The following CDK14 variants were observed in gnomAD, a reference collection of about 807,000 sequenced individuals.
CDK14 encodes the protein cyclin-dependent kinase 14.
A neutral mutation model predicts 60.7 loss-of-function variants in CDK14; 34 were observed. The ratio of observed to expected loss-of-function variants is 0.56; its 90% confidence interval spans 0.43 to 0.75. The LOEUF (loss-of-function observed/expected upper bound fraction) is 0.75. CDK14 is among the 30% of genes least tolerant of loss of function. The probability of loss-of-function intolerance (pLI) is 0.00; values close to 1 mark genes in which losing one functional copy is unlikely to be tolerated. For synonymous variants in CDK14, 197 were observed against 203.7 expected (o/e 0.97, Z 0.28); for missense variants, 482 against 564.1 (o/e 0.85, Z 1.47).
At chr7:91,031,258 T>C (rs1485951127) in intron 10 of CDK14, among the ~76,000 whole-genome samples, 1 of 152,208 alleles carries the variant, frequency 6.6e-6, no homozygotes, top group African/African-American at 2.4e-5. Context: ...AGGCTTTACT[T>C]GCTATTTTTG....
chr7:90,699,328 C>A (rs1248681154), intron 2 of CDK14, among the ~76,000 whole-genome samples: 2 of 152,218 alleles, frequency 1.3e-5, no homozygotes, highest in African/African-American at 2.4e-5. Context: ...AGTGCCTGAT[C>A]ACACTTAAAC....
chr7:91,169,014 A>G (rs183936601), intron 14 of CDK14, among the ~76,000 whole-genome samples: 1 of 152,324 alleles, frequency 6.6e-6, no homozygotes, highest in African/African-American at 2.4e-5. Context: ...TCAGCCTCGC[A>G]TGTTTTCCAT....
intron 8 of CDK14, among the ~76,000 whole-genome samples, chr7:90,928,583 A>G (rs1793494768): frequency 6.6e-6 from 1 of 152,178 alleles, no homozygotes; most frequent in Admixed American, 6.5e-5. Context: ...TTCCTCTGGA[A>G]GCTTCATCTC....
chr7:91,170,757 C>CTT (rs534394498), intron 14 of CDK14, among the ~76,000 whole-genome samples: 4 of 139,778 alleles, frequency 2.9e-5, no homozygotes, highest in East Asian at 2.1e-4. Context: ...TGTTTTCAAT[C>CTT]TTTTTTTTTT....
At chr7:90,758,256 C>A (rs1232941867) in intron 4 of CDK14, among the ~76,000 whole-genome samples, 8 of 151,708 alleles carry the variant, frequency 5.3e-5, no homozygotes, top group Non-Finnish European at 1.2e-4. Context: ...CTGTCTTTGT[C>A]TTTCACTGTC....
intron 6 of CDK14, among the ~76,000 whole-genome samples, chr7:90,887,938 T>A (rs920382085): frequency 1.3e-4 from 20 of 152,190 alleles, no homozygotes; most frequent in African/African-American, 4.8e-4. Context: ...AATACTTCAC[T>A]TATTATAAGA....
chr7:90,891,986 GAAT>G (rs1226813064), intron 6 of CDK14, among the ~76,000 whole-genome samples: 1 of 152,204 alleles, frequency 6.6e-6, no homozygotes, highest in Non-Finnish European at 1.5e-5. Context: ...CTCACTTCAT[GAAT>G]AATGTTAGGT....
intron 11 of CDK14, among the ~76,000 whole-genome samples, chr7:91,072,687 A>G (rs1471997704): frequency 6.6e-6 from 1 of 152,174 alleles, no homozygotes; most frequent in East Asian, 1.9e-4. Context: ...TGGATGAAGT[A>G]GGCTTCAGAA....
At chr7:91,082,243 A>G (rs1167762087) in intron 12 of CDK14, among the ~76,000 whole-genome samples, 1 of 152,266 alleles carries the variant, frequency 6.6e-6, no homozygotes, top group Non-Finnish European at 1.5e-5. Context: ...TTCCAGGAAC[A>G]CATTTGCTTG....
chr7:91,066,029 G>T (rs1797966259), intron 11 of CDK14, among the ~76,000 whole-genome samples: 2 of 152,118 alleles, frequency 1.3e-5, no homozygotes, highest in African/African-American at 2.4e-5. Context: ...ATGATGAAGC[G>T]CCCTTCAGTG....
intron 2 of CDK14, among the ~76,000 whole-genome samples, chr7:90,714,926 G>C (rs1387043351): frequency 6.6e-6 from 1 of 151,958 alleles, no homozygotes; most frequent in Non-Finnish European, 1.5e-5. Flanking sequence ...TAAGAAGATA[G>C]TACACAATTT....
rs1443395666 is a variant in CDK14, at chr7:90,747,861, ATT to A, written c.464+88_464+89del. 6.6e-6 allele frequency: 3 copies of A among 457,754 alleles called. No individual in the cohort carries two copies. In the East Asian group the frequency reaches 1.4e-4, roughly 21 times the overall value. 28.4% of individuals were successfully genotyped at this position (457,754 alleles called of 1,614,324 possible). A position where few individuals can be genotyped will look rare whatever the true frequency, so the allele number is the denominator to read the frequency against. ...ATAGCATTTTATTTAAATAATTATTATTTAATATACAATAGATTTTCCTCCCT... is the reference window on the plus strand; with the variant it reads ...ATAGCATTTTATTTAAATAATTATTATAATATACAATAGATTTTCCTCCCT... On this transcript the variant is annotated intron_variant, in intron 4 of 14. Coordinates refer to ENST00000380050, the MANE Select transcript of CDK14 (RefSeq NM_001287135.2).
In CDK14 at chr7:90,672,874, C is replaced by T. The variant is rs142830019; in HGVS notation, c.124-53693C>T. 6.4e-3 allele frequency among the ~76,000 whole-genome samples: 977 copies of T among 151,982 alleles called. 9 individuals are homozygous for T. Among genetic ancestry groups the T allele is most frequent in the African/African-American group, 0.022 (898 of 41,436 alleles). On this transcript the variant is annotated intron_variant, in intron 2 of 14. Coordinates refer to ENST00000380050, the MANE Select transcript of CDK14 (RefSeq NM_001287135.2). The stretch of plus-strand genomic sequence containing the variant: ...GGGCATTTGGGTTGTTTTTACCTTT[C>T]GGCTATTATGACTAATGTAGCTATA...
intron 2 of CDK14, among the ~76,000 whole-genome samples, chr7:90,653,595 T>C (rs1376647425): frequency 6.6e-6 from 1 of 152,208 alleles, no homozygotes; most frequent in African/African-American, 2.4e-5. Context: ...TCCATTTGAA[T>C]GCATCATGCC....
intron 14 of CDK14, among the ~76,000 whole-genome samples, chr7:91,119,663 G>A (rs1417104133): frequency 6.6e-6 from 1 of 152,176 alleles, no homozygotes; most frequent in African/African-American, 2.4e-5. Context: ...TAATCTGCCA[G>A]TATCTTGAGC....
chr7:90,771,853 G>A (rs932765091), intron 4 of CDK14, among the ~76,000 whole-genome samples: 2 of 152,180 alleles, frequency 1.3e-5, no homozygotes, highest in African/African-American at 2.4e-5. Context: ...CTTGAAGGTC[G>A]AGTTTCACTG....
chr7:91,129,346 G>A (rs527674787), intron 14 of CDK14, among the ~76,000 whole-genome samples: 1 of 152,152 alleles, frequency 6.6e-6, no homozygotes, highest in African/African-American at 2.4e-5. Context: ...TGGAGGGGGC[G>A]GAAAAAGCTT....
chr7:90,816,805 C>T (rs1020210610), intron 5 of CDK14, among the ~76,000 whole-genome samples: 1 of 152,080 alleles, frequency 6.6e-6, no homozygotes, highest in Non-Finnish European at 1.5e-5. Flanking sequence ...ACCATTTATC[C>T]CAGTAAATCA....
chr7:90,771,842 G>T (rs1396914157), intron 4 of CDK14, among the ~76,000 whole-genome samples: 1 of 152,184 alleles, frequency 6.6e-6, no homozygotes, highest in Non-Finnish European at 1.5e-5. Context: ...AATGTCCTTG[G>T]CTTGAAGGTC....
Sources: gnomAD v4.1 joint callset for allele counts (sites outside exome capture counted in the v4.1 genomes callset) on GRCh38, gnomAD v4.1.1 for gene constraint, MANE v1.5 for transcripts, NCBI Gene and HGNC (gene_info 2026-07-23, HGNC 2026-07-21) for gene names.